VN1R4: variants seen among roughly 807,000 people sequenced by gnomAD.
VN1R4 encodes the protein vomeronasal 1 receptor 4.
For missense variants in VN1R4, 291 were observed against 364.2 expected (o/e 0.80, Z 1.64); for synonymous variants, 97 against 138.8 (o/e 0.70, Z 2.12).
chr19:53,267,064 G>C, exon 1 of VN1R4: 1 of 1,613,034 alleles, frequency 6.2e-7, no homozygotes, highest in Admixed American at 1.7e-5. Context: ...GCAAACCATG[G>C]AGCTGCTGAC....
exon 1 of VN1R4, chr19:53,266,694 G>T: frequency 6.9e-7 from 1 of 1,450,270 alleles, no homozygotes; most frequent in Non-Finnish European, 9.3e-7. Flanking sequence ...AGAAGAGTAA[G>T]TCATCAATTG....
exon 1 of VN1R4, chr19:53,267,722 G>T: frequency 7.0e-7 from 1 of 1,426,550 alleles, no homozygotes; most frequent in Non-Finnish European, 9.5e-7. Flanking sequence ...GTCCTGCATG[G>T]AAATAGGAGG....
chr19:53,266,981 T>C, exon 1 of VN1R4: 1 of 1,605,074 alleles, frequency 6.2e-7, no homozygotes, highest in Non-Finnish European at 8.5e-7. Context: ...GTAGCTCTGT[T>C]CTCTGGGGAG....
exon 1 of VN1R4, chr19:53,267,140 C>A (rs746243960): frequency 8.1e-6 from 13 of 1,612,114 alleles, no homozygotes; most frequent in Non-Finnish European, 1.1e-5. Flanking sequence ...AGTGTCTGTG[C>A]GATTTTGTTG....
exon 1 of VN1R4, chr19:53,267,425 T>G: frequency 6.2e-7 from 1 of 1,614,172 alleles, no homozygotes; most frequent in Non-Finnish European, 8.5e-7. Flanking sequence ...AAAACAAGTT[T>G]GCACCCAAGA....
At chr19:53,266,999 G>T in exon 1 of VN1R4, 1 of 1,601,018 alleles carries the variant, frequency 6.2e-7, no homozygotes, top group Non-Finnish European at 8.5e-7. Context: ...GAGGCTCTGG[G>T]GGAGAGATTG....
exon 1 of VN1R4, chr19:53,267,490 C>T (rs773361071): frequency 1.5e-5 from 25 of 1,614,026 alleles, no homozygotes; most frequent in Non-Finnish European, 2.5e-6. Flanking sequence ...GACTCCTTTA[C>T]AGCGGAGAGC....
chr19:53,267,469 A>G, exon 1 of VN1R4: 1 of 1,614,194 alleles, frequency 6.2e-7, no homozygotes, highest in East Asian at 2.2e-5. Flanking sequence ...AAAAGCTGCC[A>G]TTGTCTGGGG....
At chr19:53,266,678 C>T (rs534931258) in exon 1 of VN1R4, 117 of 1,360,344 alleles carry the variant, frequency 8.6e-5, no homozygotes, top group Non-Finnish European at 1.0e-4. Flanking sequence ...GATTACATTG[C>T]GGCACAGAAG....
Position 53,267,203 on chromosome 19 carries a change from A to T in VN1R4, c.463T>A (p.Tyr155Asn). The change falls in exon 1 of 1, where the codon TAC (tyrosine) becomes AAC (asparagine). Residue 155 changes from tyrosine to asparagine, a missense_variant. Tyr to Asn is a moderately radical substitution (Grantham distance 143, BLOSUM62 -2). Transcript: ENST00000311170. ...TCCTCGTTCACTGTGATGTTTGTGT[A>T]GTTCCATTTGCCAGTCACATACATG... is the stretch of plus-strand genomic sequence containing the variant. 2.5e-6 allele frequency: 4 copies of T among 1,611,350 alleles called. No individual in the cohort carries two copies. The East Asian group carries it at 8.9e-5, about 36-fold the overall frequency.
chr19:53,267,268 A>G (rs1166347318), exon 1 of VN1R4: 19 of 1,613,522 alleles, frequency 1.2e-5, no homozygotes, highest in Admixed American at 1.7e-5. Context: ...GATCCAGCAC[A>G]GGAGAACAGA....
chr19:53,266,706 A>G, exon 1 of VN1R4: 1 of 1,500,066 alleles, frequency 6.7e-7, no homozygotes, highest in Non-Finnish European at 9.0e-7. Context: ...CATCAATTGA[A>G]CCATGAGCAA....
chr19:53,267,617 C>G (rs775762019), exon 1 of VN1R4: 4 of 1,612,614 alleles, frequency 2.5e-6, no homozygotes, highest in Non-Finnish European at 3.4e-6. Context: ...AGGACTCCCA[C>G]CACGGTCTGT....
chr19:53,267,508 T>C (rs763389807), exon 1 of VN1R4: 5 of 1,614,074 alleles, frequency 3.1e-6, no homozygotes, highest in Admixed American at 1.7e-5. Flanking sequence ...AGCTAAGAAG[T>C]TGGCTACAAT....
exon 1 of VN1R4, chr19:53,266,726 A>G (rs769735773): frequency 7.1e-6 from 11 of 1,545,084 alleles, no homozygotes; most frequent in African/African-American, 1.4e-5. Flanking sequence ...AATATATACA[A>G]TGTACATGTT....
exon 1 of VN1R4, chr19:53,267,706 T>C (rs1303303200): frequency 7.3e-6 from 11 of 1,507,516 alleles, no homozygotes; most frequent in Non-Finnish European, 9.8e-6. Flanking sequence ...TCTTCAGGGC[T>C]GGGAGGTCCT....
chr19:53,266,810 T>G lies in VN1R4; in HGVS notation c.856A>C (p.Met286Leu), dbSNP rs2091350309. 6.2e-7 allele frequency: 1 copy of G among 1,613,948 alleles called. No homozygotes were observed. The highest frequency in any genetic ancestry group is 1.3e-5 in the African/African-American group (1 of 74,920). The change falls in exon 1 of 1, where the codon ATG becomes CTG. Residue 286 changes from methionine to leucine, a missense_variant. By Grantham distance (15) the Met-to-Leu change is conservative. Transcript: ENST00000311170. ...CTGTATACACTGGGGTCACAGCTCA[T>G]GAGAACAAAGGGGCTGAGAGTTGGG...
rs770582606 is a variant in VN1R4 at position 53,267,205 on chromosome 19, T to C, written c.461A>G (p.Asn154Ser). ...CTCGTTCACTGTGATGTTTGTGTAGTTCCATTTGCCAGTCACATACATGGG... is the reference window on the plus strand; with the variant it reads ...CTCGTTCACTGTGATGTTTGTGTAGCTCCATTTGCCAGTCACATACATGGG... The change falls in exon 1 of 1, where the codon AAC (asparagine) becomes AGC (serine). Residue 154 changes from asparagine (N) to serine (S), a missense_variant. By Grantham distance (46) the Asn-to-Ser change is conservative. Transcript: ENST00000311170. 8 of 1,611,718 alleles carry C rather than the reference T, an allele frequency of 5.0e-6. No homozygotes were observed. In the African/African-American group the frequency reaches 9.4e-5, roughly 19 times the overall value.
exon 1 of VN1R4, chr19:53,267,234 G>C: frequency 6.2e-7 from 1 of 1,609,310 alleles, no homozygotes; most frequent in East Asian, 2.2e-5. Flanking sequence ...ACATGGGAAA[G>C]ATGATGTTTA....
Sources: gnomAD v4.1 joint callset for allele counts on GRCh38, gnomAD v4.1.1 for gene constraint, MANE v1.5 for transcripts, NCBI Gene and HGNC (gene_info 2026-07-23, HGNC 2026-07-21) for gene names.